Variants in GRID2 observed in about 807,000 individuals in gnomAD.
The protein encoded by GRID2 is glutamate ionotropic receptor delta type subunit 2.
A neutral mutation model predicts 114.8 loss-of-function variants in GRID2; 33 were observed. The observed-to-expected ratio is 0.29, with a 90% CI of 0.22 to 0.38. The LOEUF (loss-of-function observed/expected upper bound fraction) is 0.38, where lower values mean the gene tolerates loss of function less well. GRID2 is among the 10% of genes least tolerant of loss of function. GRID2 has a pLI of 1.00. For synonymous variants in GRID2, 505 were observed against 449.9 expected (o/e 1.12, Z -1.55); for missense variants, 1,184 against 1,257.7 (o/e 0.94, Z 0.89).
intron 1 of GRID2, among the ~76,000 whole-genome samples, chr4:92,364,802 C>T (rs1460554765): frequency 6.6e-6 from 1 of 151,962 alleles, no homozygotes; most frequent in Non-Finnish European, 1.5e-5. Context: ...GATTTTCTAT[C>T]CTGTCCTAAA....
chr4:93,478,965 C>A (rs1725590311), intron 11 of GRID2, among the ~76,000 whole-genome samples: 5 of 151,928 alleles, frequency 3.3e-5, no homozygotes, highest in Admixed American at 3.3e-4. Flanking sequence ...ACTGAAATAA[C>A]AATTATATTA....
At chr4:93,129,625 C>T (rs1366607106) in intron 4 of GRID2, among the ~76,000 whole-genome samples, 2 of 152,170 alleles carry the variant, frequency 1.3e-5, no homozygotes, top group African/African-American at 4.8e-5. Flanking sequence ...CACTCCCAGG[C>T]ATCTCAACAC....
intron 2 of GRID2, among the ~76,000 whole-genome samples, chr4:92,726,145 A>G (rs1248124691): frequency 1.3e-5 from 2 of 152,188 alleles, no homozygotes; most frequent in African/African-American, 4.8e-5. Flanking sequence ...GAACTAAGAA[A>G]TGGAATAAAT....
chr4:93,470,907 TATGATATTGTAA>T (rs1027702297), intron 11 of GRID2, among the ~76,000 whole-genome samples: 4 of 140,484 alleles, frequency 2.8e-5, no homozygotes, highest in African/African-American at 9.7e-5. Flanking sequence ...TCTTTTCTGT[TATGATATTGTAA>T]AATGTGGCTC....
At chr4:93,498,297 G>A (rs191743009) in intron 12 of GRID2, among the ~76,000 whole-genome samples, 13 of 151,812 alleles carry the variant, frequency 8.6e-5, no homozygotes, top group Admixed American at 2.6e-4. Context: ...CAGAAAAGAT[G>A]GAAGGTCAAA....
chr4:93,042,623 C>A (rs868109961), intron 2 of GRID2, among the ~76,000 whole-genome samples: 236 of 132,544 alleles, frequency 1.8e-3, no homozygotes, highest in African/African-American at 4.6e-3. Context: ...CTCTCTCTCT[C>A]TCTATATATA....
At chr4:93,257,018 G>A (rs1437889033) in intron 8 of GRID2, among the ~76,000 whole-genome samples, 1 of 151,768 alleles carries the variant, frequency 6.6e-6, no homozygotes, top group Non-Finnish European at 1.5e-5. Context: ...TTTGATGCAC[G>A]TGGGACAAAA....
At chr4:93,361,880 T>A (rs1273706388) in intron 8 of GRID2, among the ~76,000 whole-genome samples, 1 of 152,104 alleles carries the variant, frequency 6.6e-6, no homozygotes, top group Non-Finnish European at 1.5e-5. Flanking sequence ...GATGTGCAGG[T>A]TGGTTACATA....
At chr4:92,932,810 A>G (rs566716987) in intron 2 of GRID2, among the ~76,000 whole-genome samples, 1 of 151,498 alleles carries the variant, frequency 6.6e-6, no homozygotes, top group South Asian at 2.1e-4. Context: ...TCAGATATAA[A>G]AAGTATATAT....
Position 93,560,222 on chromosome 4 carries a change from T to TAAAAAAAAA in GRID2, c.2193+44834_2193+44842dup, listed in dbSNP as rs70942974. ...TACGCATGTATTCCAGAACTTAAAG[T>TAAAAAAAAA]AAAAAAAAAAAAAAAAAAAAAAAAA... is the stretch of plus-strand genomic sequence containing the variant. On this transcript the variant is annotated intron_variant, in intron 13 of 15. Coordinates refer to ENST00000282020, the MANE Select transcript of GRID2 (RefSeq NM_001510.4). Among the ~76,000 whole-genome samples, 233 of 42,960 alleles carry TAAAAAAAAA rather than the reference T, an allele frequency of 5.4e-3. 10 individuals are homozygous for TAAAAAAAAA. The highest frequency in any genetic ancestry group is 6.5e-3 in the Non-Finnish European group (163 of 25,188). The allele number at this position is 42,960 out of a possible 152,430, so 28.2% of individuals were successfully genotyped here.
At chr4:93,599,772 A>T (rs1206279769) in intron 13 of GRID2, among the ~76,000 whole-genome samples, 1 of 152,188 alleles carries the variant, frequency 6.6e-6, no homozygotes, top group East Asian at 1.9e-4. Context: ...CCCTGAGCAC[A>T]CTTCCAAGTC....
At chr4:92,395,260 T>TAGGG (rs1290362532) in intron 1 of GRID2, among the ~76,000 whole-genome samples, 1 of 151,568 alleles carries the variant, frequency 6.6e-6, no homozygotes, top group Admixed American at 6.6e-5. Context: ...CATAATAAGG[T>TAGGG]AGGGATATAG....
chr4:93,336,155 A>G (rs1415846892), intron 8 of GRID2, among the ~76,000 whole-genome samples: 1 of 152,198 alleles, frequency 6.6e-6, no homozygotes, highest in African/African-American at 2.4e-5. Context: ...AAAAGCGTAT[A>G]TCTGTCCCTT....
chr4:93,250,090 T>C (rs1748682478), intron 8 of GRID2, among the ~76,000 whole-genome samples: 1 of 152,104 alleles, frequency 6.6e-6, no homozygotes, highest in Admixed American at 6.6e-5. Flanking sequence ...GATTTGGAAC[T>C]AGCCCAAATG....
At position 93,019,499 on chromosome 4, in the gene GRID2, T is replaced by G. The variant is rs141672038; in HGVS notation, c.245-65496T>G. On this transcript the variant is annotated intron_variant, in intron 2 of 15. Transcript: ENST00000282020. Reference sequence around the variant, plus strand: ...TGGCATTAAGACCTGGGTGAAATGATCAAAAATGATCTACATTTTGGTTAT... The same window carrying G: ...TGGCATTAAGACCTGGGTGAAATGAGCAAAAATGATCTACATTTTGGTTAT... Among the ~76,000 whole-genome samples, 6 of 152,254 alleles carry G rather than the reference T, an allele frequency of 3.9e-5. No individual in the cohort carries two copies. In the South Asian group the frequency reaches 1.2e-3, roughly 32 times the overall value.
At chr4:92,597,857 G>C (rs1226037936) in intron 2 of GRID2, among the ~76,000 whole-genome samples, 1 of 152,168 alleles carries the variant, frequency 6.6e-6, no homozygotes, top group East Asian at 1.9e-4. Flanking sequence ...AGATCATTAT[G>C]TAGTCATAAA....
At chr4:93,101,547 T>C (rs1731710309) in intron 3 of GRID2, among the ~76,000 whole-genome samples, 2 of 152,092 alleles carry the variant, frequency 1.3e-5, no homozygotes, top group Non-Finnish European at 2.9e-5. Context: ...TACCGTGTCA[T>C]ATTTCTGATT....
intron 1 of GRID2, among the ~76,000 whole-genome samples, chr4:92,503,874 G>A (rs768392261): frequency 5.9e-5 from 9 of 151,996 alleles, no homozygotes; most frequent in Non-Finnish European, 1.2e-4. Context: ...GCTTAATGAG[G>A]TAGAGGTATA....
intron 1 of GRID2, among the ~76,000 whole-genome samples, chr4:92,327,147 A>C (rs1726640739): frequency 6.6e-6 from 1 of 151,972 alleles, no homozygotes; most frequent in Non-Finnish European, 1.5e-5. Flanking sequence ...GTGCTTTACA[A>C]ATAGCTATAA....
Sources: allele counts gnomAD v4.1 joint callset (sites outside exome capture counted in the v4.1 genomes callset), GRCh38; gene constraint gnomAD v4.1.1; transcripts MANE v1.5; gene names NCBI Gene and HGNC (gene_info 2026-07-23, HGNC 2026-07-21).